The following MEF2C variants were observed in gnomAD, a reference collection of about 807,000 sequenced individuals.
The protein encoded by MEF2C is myocyte enhancer factor 2C.
Under a neutral mutation model 50.5 loss-of-function variants are expected in MEF2C, and 6 were observed. That is an observed-to-expected ratio of 0.12 (90% CI 0.07 to 0.23). The LOEUF is 0.23. MEF2C is among the 10% of genes least tolerant of loss of function. The pLI, the probability that MEF2C is intolerant of heterozygous loss-of-function variation, is 1.00. For synonymous variants in MEF2C, 183 were observed against 228.0 expected (o/e 0.80, Z 1.78); for missense variants, 276 against 605.0 (o/e 0.46, Z 5.70).
intron 1 of MEF2C, among the ~76,000 whole-genome samples, chr5:88,842,542 A>G (rs1581459898): frequency 7.5e-6 from 1 of 133,202 alleles, no homozygotes; most frequent in Non-Finnish European, 1.6e-5. Context: ...AACAATATGG[A>G]AAAAAAAAAA....
chr5:88,799,296 T>C (rs891428815), intron 3 of MEF2C, among the ~76,000 whole-genome samples: 1 of 152,190 alleles, frequency 6.6e-6, no homozygotes, highest in African/African-American at 2.4e-5. Context: ...GTTTTATCTA[T>C]AAGCCCCTGA....
intron 3 of MEF2C, among the ~76,000 whole-genome samples, chr5:88,774,480 G>A (rs1471873445): frequency 2.6e-5 from 4 of 151,840 alleles, no homozygotes; most frequent in African/African-American, 9.7e-5. Flanking sequence ...CCGCCACCAC[G>A]CCAGGTTAAT....
chr5:88,838,959 C>T (rs539281022), intron 1 of MEF2C, among the ~76,000 whole-genome samples: 7 of 152,192 alleles, frequency 4.6e-5, no homozygotes, highest in South Asian at 4.1e-4. Flanking sequence ...ATAAGACACA[C>T]GCCTAATAAA....
intron 7 of MEF2C, 109 bp from the exon 8 acceptor site, chr5:88,730,343 A>C: frequency 1.7e-6 from 2 of 1,206,174 alleles, no homozygotes; most frequent in Non-Finnish European, 2.4e-6. Flanking sequence ...ACAACAGTTT[A>C]AACAGTTTTA....
chr5:88,897,310 C>T (rs1835214636), intron 1 of MEF2C, among the ~76,000 whole-genome samples: 1 of 152,196 alleles, frequency 6.6e-6, no homozygotes, highest in East Asian at 1.9e-4. Context: ...CCTTACGTAG[C>T]CGTGAGATTC....
intron 2 of MEF2C, among the ~76,000 whole-genome samples, chr5:88,812,553 A>G (rs931974676): frequency 5.3e-5 from 8 of 152,156 alleles, no homozygotes; most frequent in Admixed American, 6.5e-5. Flanking sequence ...CAAGTGAAGC[A>G]TATCAGATTT....
intron 1 of MEF2C, among the ~76,000 whole-genome samples, chr5:88,869,626 C>G (rs1007939298): frequency 2.0e-5 from 3 of 151,402 alleles, no homozygotes; most frequent in African/African-American, 4.9e-5. Flanking sequence ...ACTTACTACA[C>G]TTATTAATTC....
intron 3 of MEF2C, among the ~76,000 whole-genome samples, chr5:88,787,263 C>T (rs541864960): frequency 4.6e-5 from 7 of 152,286 alleles, no homozygotes; most frequent in East Asian, 3.9e-4. Context: ...ACTATGCAGT[C>T]GTAAATTAAG....
At chr5:88,900,752 T>C (rs1835575233) in intron 1 of MEF2C, among the ~76,000 whole-genome samples, 1 of 151,994 alleles carries the variant, frequency 6.6e-6, no homozygotes, top group Non-Finnish European at 1.5e-5. Flanking sequence ...TATAGTTTAC[T>C]AGTCAACATG....
At chr5:88,752,120 T>G in intron 4 of MEF2C, 77 bp from the exon 5 acceptor site, 1 of 1,339,228 alleles carries the variant, frequency 7.5e-7, no homozygotes, top group South Asian at 1.7e-5. Flanking sequence ...ACAGCCCTTA[T>G]TTTTCCAAGA....
intron 1 of MEF2C, among the ~76,000 whole-genome samples, chr5:88,870,664 G>A (rs890243188): frequency 4.6e-5 from 7 of 152,024 alleles, no homozygotes; most frequent in Non-Finnish European, 1.0e-4. Flanking sequence ...GTGTTTTAAA[G>A]GAGTTCTTTG....
At chr5:88,752,105 G>C in intron 4 of MEF2C, 62 bp from the exon 5 acceptor site, 1 of 1,428,056 alleles carries the variant, frequency 7.0e-7, no homozygotes, top group South Asian at 1.5e-5. Flanking sequence ...AGCTCTTCAA[G>C]ACAGACAGCC....
intron 4 of MEF2C, among the ~76,000 whole-genome samples, chr5:88,752,254 T>A (rs647983): frequency 4.5e-4 from 69 of 152,136 alleles, no homozygotes; most frequent in African/African-American, 1.6e-3. Context: ...CATTAAAAAA[T>A]GTTTCACTTT....
intron 2 of MEF2C, among the ~76,000 whole-genome samples, chr5:88,813,866 T>C (rs1804031506): frequency 6.6e-6 from 1 of 152,062 alleles, no homozygotes; most frequent in Non-Finnish European, 1.5e-5. Context: ...AGGTTTGAGG[T>C]TTGATCATTT....
At chr5:88,752,761 A>C in intron 4 of MEF2C, 2 of 985,418 alleles carry the variant, frequency 2.0e-6, no homozygotes, top group Non-Finnish European at 2.4e-6. Flanking sequence ...TGGATGTCTA[A>C]TTAGATTAAT....
At chr5:88,737,791 T>G in intron 6 of MEF2C, 1 of 985,420 alleles carries the variant, frequency 1.0e-6, no homozygotes, top group Non-Finnish European at 1.2e-6. Context: ...AAAAGAAGGC[T>G]TGGCTAACAT....
intron 4 of MEF2C, among the ~76,000 whole-genome samples, chr5:88,756,117 A>G (rs1201058258): frequency 6.6e-6 from 1 of 152,226 alleles, no homozygotes; most frequent in African/African-American, 2.4e-5. Flanking sequence ...TATTCTATTA[A>G]TCTTTTGCTT....
intron 7 of MEF2C, 198 bp downstream of exon 7, chr5:88,731,528 ATAT>A: frequency 5.7e-6 from 3 of 521,866 alleles, no homozygotes; most frequent in East Asian, 3.5e-5. Flanking sequence ...ATATATATAT[ATAT>A]TTTTTTTACA....
At chr5:88,789,989 A>C (rs1792960411) in intron 3 of MEF2C, among the ~76,000 whole-genome samples, 1 of 152,202 alleles carries the variant, frequency 6.6e-6, no homozygotes, top group Non-Finnish European at 1.5e-5. Flanking sequence ...CACCCAAGGC[A>C]CATGCCCCTA....
Sources: allele counts gnomAD v4.1 joint callset (sites outside exome capture counted in the v4.1 genomes callset), GRCh38; gene constraint gnomAD v4.1.1; transcripts MANE v1.5; gene names NCBI Gene and HGNC (gene_info 2026-07-23, HGNC 2026-07-21).